Variants in LRRC7 observed in about 807,000 individuals in gnomAD.
LRRC7 encodes leucine-rich repeat-containing protein 7.
Under a neutral mutation model 175.7 loss-of-function variants are expected in LRRC7, and 23 were observed. That is an observed-to-expected ratio of 0.13 (90% CI 0.09 to 0.19). The LOEUF is 0.19. LRRC7 is among the 10% of genes least tolerant of loss of function. The pLI is 1.00. For missense variants in LRRC7, 1,354 were observed against 1,904.7 expected (o/e 0.71, Z 5.38); for synonymous variants, 685 against 680.9 (o/e 1.01, Z -0.09).
intron 6 of LRRC7, 107 bp downstream of exon 6, chr1:69,834,976 G>A (rs972481722): frequency 1.3e-5 from 10 of 782,180 alleles, no homozygotes; most frequent in African/African-American, 1.8e-5. Flanking sequence ...TTAAAGATAG[G>A]CCTCATTATT....
chr1:69,883,836 TAGCC>T (rs1447364646), intron 7 of LRRC7, among the ~76,000 whole-genome samples: 1 of 95,446 alleles, frequency 1.0e-5, no homozygotes, highest in Non-Finnish European at 2.2e-5. Flanking sequence ...TACATATGGC[TAGCC>T]AGTTTTCCCA....
At chr1:69,880,073 A>G (rs555642532) in intron 7 of LRRC7, among the ~76,000 whole-genome samples, 1 of 152,336 alleles carries the variant, frequency 6.6e-6, no homozygotes, top group African/African-American at 2.4e-5. Context: ...TCTCCGGGAA[A>G]TGCTCCGAGA....
chr1:69,786,450 T>C (rs1172536146), intron 3 of LRRC7, among the ~76,000 whole-genome samples: 1 of 152,124 alleles, frequency 6.6e-6, no homozygotes, highest in African/African-American at 2.4e-5. Context: ...TTTCTTCTTT[T>C]TCATCCCTCT....
At chr1:70,003,352 T>C (rs923569860) in intron 11 of LRRC7, among the ~76,000 whole-genome samples, 1 of 152,186 alleles carries the variant, frequency 6.6e-6, no homozygotes, top group Non-Finnish European at 1.5e-5. Context: ...CCATAACATA[T>C]ATCTTTTAAA....
At chr1:69,796,713 G>A (rs1311653081) in intron 4 of LRRC7, among the ~76,000 whole-genome samples, 2 of 152,030 alleles carry the variant, frequency 1.3e-5, no homozygotes, top group East Asian at 3.9e-4. Flanking sequence ...AGAATCGCTT[G>A]AACCTAGGAG....
chr1:69,901,140 A>G (rs377601518), intron 7 of LRRC7, among the ~76,000 whole-genome samples: 1 of 152,304 alleles, frequency 6.6e-6, no homozygotes, highest in African/African-American at 2.4e-5. Context: ...GATTGGAAGC[A>G]GCTGAAAGTG....
intron 5 of LRRC7, among the ~76,000 whole-genome samples, chr1:69,828,279 G>A (rs1449752105): frequency 1.3e-5 from 2 of 152,002 alleles, no homozygotes; most frequent in African/African-American, 4.8e-5. Context: ...CATTTCTATT[G>A]AGTGAACCCC....
At chr1:69,984,475 C>T (rs1051124563) in intron 9 of LRRC7, among the ~76,000 whole-genome samples, 1 of 152,098 alleles carries the variant, frequency 6.6e-6, no homozygotes, top group African/African-American at 2.4e-5. Context: ...ATGAACCATT[C>T]GTTGAGTAAC....
chr1:69,649,963 G>T (rs1655554902), intron 1 of LRRC7, among the ~76,000 whole-genome samples: 1 of 152,072 alleles, frequency 6.6e-6, no homozygotes, highest in African/African-American at 2.4e-5. Flanking sequence ...AATACTTTAT[G>T]GATGATGACA....
At chr1:69,580,609 A>G (rs1196014577) in intron 1 of LRRC7, among the ~76,000 whole-genome samples, 1 of 152,188 alleles carries the variant, frequency 6.6e-6, no homozygotes, top group East Asian at 1.9e-4. Context: ...TTTTATAATA[A>G]AAATCTACCA....
intron 7 of LRRC7, among the ~76,000 whole-genome samples, chr1:69,914,640 C>T (rs1005263709): frequency 2.6e-5 from 4 of 151,974 alleles, no homozygotes; most frequent in Admixed American, 2.0e-4. Flanking sequence ...TATTCTCAAT[C>T]CTTAATTTAT....
chr1:69,659,884 T>A, intron 1 of LRRC7, among the ~76,000 whole-genome samples: 1 of 150,528 alleles, frequency 6.6e-6, no homozygotes. Context: ...GAAAAAAGGG[T>A]CCCAATTCAA....
At chr1:69,712,939 C>T (rs1664937675) in intron 2 of LRRC7, among the ~76,000 whole-genome samples, 2 of 152,100 alleles carry the variant, frequency 1.3e-5, no homozygotes, top group Admixed American at 1.3e-4. Flanking sequence ...ACACAAAGAT[C>T]TGTTGTTCTA....
At chr1:70,071,555 A>G (rs915526229) in intron 23 of LRRC7, among the ~76,000 whole-genome samples, 1 of 152,112 alleles carries the variant, frequency 6.6e-6, no homozygotes, top group African/African-American at 2.4e-5. Context: ...TTTTGTTGTT[A>G]TTGTTGTTTT....
intron 7 of LRRC7, among the ~76,000 whole-genome samples, chr1:69,922,397 G>A (rs1189883432): frequency 6.6e-6 from 1 of 152,018 alleles, no homozygotes; most frequent in African/African-American, 2.4e-5. Context: ...GGCTGAAAAA[G>A]TACCTCTCCT....
intron 7 of LRRC7, among the ~76,000 whole-genome samples, chr1:69,916,233 T>TATTATATAC (rs1646710291): frequency 8.4e-6 from 1 of 118,388 alleles, no homozygotes; most frequent in African/African-American, 3.1e-5. Context: ...ATAATATAAA[T>TATTATATAC]ATATTTTATA....
intron 8 of LRRC7, among the ~76,000 whole-genome samples, chr1:69,973,432 G>A (rs1652474995): frequency 6.6e-6 from 1 of 151,706 alleles, no homozygotes; most frequent in South Asian, 2.1e-4. Context: ...ATAACCTATG[G>A]AAATAAAAAA....
chr1:69,604,498 A>G (rs1163731974), intron 1 of LRRC7, among the ~76,000 whole-genome samples: 1 of 152,204 alleles, frequency 6.6e-6, no homozygotes, highest in Non-Finnish European at 1.5e-5. Flanking sequence ...ACATGAAACT[A>G]GAAAAACATT....
rs564980340 is a variant in LRRC7 at position 69,698,832 on chromosome 1, A to G, written c.100+20354A>G. Among the ~76,000 whole-genome samples the G allele has an allele frequency of 2.0e-5, 3 of 152,314 alleles. No homozygotes were observed. In the South Asian group the frequency reaches 6.2e-4, roughly 32 times the overall value. On this transcript the variant is annotated intron_variant, in intron 2 of 26. Transcript: ENST00000651989. Reference sequence around the variant, plus strand: ...AACATGGTCTCAATGTTGTTGTTAGACTATCTCAGTCCAAATTATTGGTCA... The same window carrying G: ...AACATGGTCTCAATGTTGTTGTTAGGCTATCTCAGTCCAAATTATTGGTCA...
Sources: gnomAD v4.1 joint callset for allele counts (sites outside exome capture counted in the v4.1 genomes callset) on GRCh38, gnomAD v4.1.1 for gene constraint, MANE v1.5 for transcripts, NCBI Gene and HGNC (gene_info 2026-07-23, HGNC 2026-07-21) for gene names.